The following CMTM8 variants were observed in gnomAD, a reference collection of about 807,000 sequenced individuals.
CMTM8 encodes CKLF like MARVEL transmembrane domain containing 8, also known as CKLF-like MARVEL transmembrane domain-containing protein 8.
CMTM8 carries 12 observed loss-of-function variants against 18.6 expected under a neutral mutation model. The observed-to-expected ratio is 0.65, with a 90% CI of 0.41 to 1.05. The LOEUF (loss-of-function observed/expected upper bound fraction) is 1.05. Ranked by LOEUF, CMTM8 falls within the 50% of genes least tolerant of loss-of-function variation. The pLI, the probability that CMTM8 is intolerant of heterozygous loss-of-function variation, is 0.00. For synonymous variants in CMTM8, 87 were observed against 90.6 expected, an observed-to-expected ratio of 0.96 and a Z score of 0.23; for missense variants, 217 against 227.2, an observed-to-expected ratio of 0.95 and a Z score of 0.29.
intron 1 of CMTM8, among the ~76,000 whole-genome samples, chr3:32,324,537 A>G (rs1232348465): frequency 1.3e-5 from 2 of 152,222 alleles, no homozygotes; most frequent in Admixed American, 6.5e-5. Flanking sequence ...TCCCTTACAT[A>G]AAACTATGCC....
chr3:32,301,420 AT>A (rs1695616774), intron 1 of CMTM8, among the ~76,000 whole-genome samples: 2 of 152,194 alleles, frequency 1.3e-5, no homozygotes, highest in Non-Finnish European at 2.9e-5. Context: ...CAATATATAA[AT>A]TTCTATCCTG....
At chr3:32,293,487 G>A (rs1052793348) in intron 1 of CMTM8, among the ~76,000 whole-genome samples, 2 of 152,220 alleles carry the variant, frequency 1.3e-5, no homozygotes, top group African/African-American at 4.8e-5. Context: ...GGCGGAGGTT[G>A]CAGTGAGCCA....
rs76706954 is a variant in CMTM8, at chr3:32,303,622, C to A, written c.148-53751C>A. ...ACATTGATGGTAACCGAGCTTCCCC[C>A]CTCCCCCTCCCAACTGTAATTTTGA... On this transcript the variant is annotated intron_variant, in intron 1 of 3. Coordinates refer to ENST00000307526, the MANE Select transcript of CMTM8 (RefSeq NM_178868.5). Among the ~76,000 whole-genome samples, 11 of 152,228 alleles carry A rather than the reference C, an allele frequency of 7.2e-5. 1 individual carries two copies. In the South Asian group the frequency reaches 1.9e-3, roughly 26 times the overall value.
intron 1 of CMTM8, among the ~76,000 whole-genome samples, chr3:32,279,167 A>ATTTT (rs10671462): frequency 0.017 from 2,464 of 146,818 alleles, 66 homozygotes; most frequent in African/African-American, 0.058. Context: ...ATAATTAGTG[A>ATTTT]TTTTTTTTTT....
At chr3:32,317,466 G>C (rs1414968391) in intron 1 of CMTM8, among the ~76,000 whole-genome samples, 1 of 152,112 alleles carries the variant, frequency 6.6e-6, no homozygotes, top group African/African-American at 2.4e-5. Context: ...CATAACTTTG[G>C]ATTTTATATT....
chr3:32,315,628 A>G (rs1036503462), intron 1 of CMTM8, among the ~76,000 whole-genome samples: 2 of 152,208 alleles, frequency 1.3e-5, no homozygotes, highest in Non-Finnish European at 2.9e-5. Flanking sequence ...AATCACAGTT[A>G]ATGTTGTACT....
At chr3:32,292,179 T>A (rs12485573) in intron 1 of CMTM8, among the ~76,000 whole-genome samples, 27,141 of 152,102 alleles carry the variant, frequency 0.18, 2,431 homozygotes, top group South Asian at 0.26. Context: ...TGAGTTTGCG[T>A]GTGGTAGAAA....
chr3:32,308,232 A>T (rs1225878609), intron 1 of CMTM8, among the ~76,000 whole-genome samples: 1 of 152,248 alleles, frequency 6.6e-6, no homozygotes, highest in Non-Finnish European at 1.5e-5. Context: ...CCTGCTTTCC[A>T]CAGCATCAGA....
intron 1 of CMTM8, among the ~76,000 whole-genome samples, chr3:32,318,856 C>T (rs958845372): frequency 2.6e-4 from 39 of 151,426 alleles, no homozygotes; most frequent in African/African-American, 8.2e-4. Flanking sequence ...CATGAGCCAC[C>T]GCGCCCGGCT....
intron 1 of CMTM8, among the ~76,000 whole-genome samples, chr3:32,274,516 T>C (rs1702487214): frequency 6.6e-6 from 1 of 152,194 alleles, no homozygotes; most frequent in African/African-American, 2.4e-5. Flanking sequence ...TCCTTCCTCC[T>C]TCCTGTCTGT....
intron 1 of CMTM8, among the ~76,000 whole-genome samples, chr3:32,345,067 T>C (rs936875257): frequency 2.6e-5 from 4 of 152,138 alleles, no homozygotes; most frequent in Admixed American, 6.5e-5. Flanking sequence ...AGGCTGGGCA[T>C]GGTGGCTCAC....
intron 1 of CMTM8, among the ~76,000 whole-genome samples, chr3:32,260,664 TAA>T (rs1235238776): frequency 1.8e-5 from 2 of 113,974 alleles, no homozygotes; most frequent in Non-Finnish European, 3.5e-5. Flanking sequence ...GTGATTTTTT[TAA>T]AGTTTTTTTT....
chr3:32,260,321 A>G (rs1702238932), intron 1 of CMTM8: 1 of 640,294 alleles, frequency 1.6e-6, no homozygotes, highest in Non-Finnish European at 2.7e-6. Flanking sequence ...TCGCTAACAA[A>G]GCTAAATATA....
At chr3:32,306,697 G>T (rs1695723407) in intron 1 of CMTM8, among the ~76,000 whole-genome samples, 1 of 152,242 alleles carries the variant, frequency 6.6e-6, no homozygotes, top group South Asian at 2.1e-4. Flanking sequence ...CAGAAGATGA[G>T]ACTGGATACT....
chr3:32,358,995 T>G lies in CMTM8; in HGVS notation c.321+1449T>G, dbSNP rs1696868254. 6.6e-6 allele frequency among the ~76,000 whole-genome samples: 1 copy of G among 152,134 alleles called. No individual in the cohort carries two copies. Among genetic ancestry groups the G allele is most frequent in the Non-Finnish European group, 1.5e-5 (1 of 68,008 alleles). On this transcript the variant is annotated intron_variant, in intron 2 of 3. Transcript: ENST00000307526. This position sits in a 1 kb window ranked among gnomAD's most constrained non-coding sequence, Gnocchi z 4.1. ...TTTTGGACAAAGTTGTGTCCTAGGG[T>G]GGGTCTTGAAGAAAGTGACTGTGAA...
chr3:32,268,932 T>C (rs1230906942), intron 1 of CMTM8, among the ~76,000 whole-genome samples: 1 of 152,204 alleles, frequency 6.6e-6, no homozygotes, highest in Non-Finnish European at 1.5e-5. Flanking sequence ...GGGATCTTTA[T>C]TGTGTGTTTA....
chr3:32,298,943 A>T (rs796106226), intron 1 of CMTM8, among the ~76,000 whole-genome samples: 1 of 130,974 alleles, frequency 7.6e-6, no homozygotes. Context: ...ATATATATGT[A>T]TATATATATA....
intron 1 of CMTM8, among the ~76,000 whole-genome samples, chr3:32,262,550 A>G (rs1188091698): frequency 6.6e-6 from 1 of 152,194 alleles, no homozygotes; most frequent in African/African-American, 2.4e-5. Context: ...GGTGCTTCTA[A>G]AACATTCTAA....
At chr3:32,367,213 G>A (rs891674084) in intron 2 of CMTM8, among the ~76,000 whole-genome samples, 1 of 152,174 alleles carries the variant, frequency 6.6e-6, no homozygotes, top group Non-Finnish European at 1.5e-5. Flanking sequence ...CCTATGCATG[G>A]TTCAGAGCAT....
Sources: gnomAD v4.1 joint callset for allele counts (sites outside exome capture counted in the v4.1 genomes callset) on GRCh38, gnomAD v4.1.1 for gene constraint, Gnocchi (gnomAD v3.1) non-coding constraint, MANE v1.5 for transcripts, NCBI Gene and HGNC (gene_info 2026-07-23, HGNC 2026-07-21) for gene names.